The following SPMIP2 variants were observed in gnomAD, a reference collection of about 807,000 sequenced individuals.
SPMIP2 encodes the protein protein SPMIP2.
chr4:158,909,247 T>G, the SPMIP2 span: 1 of 152,140 alleles, frequency 6.6e-6, no homozygotes, highest in Admixed American at 6.5e-5. Context: ...GGTACCAACA[T>G]AATGCCATAC....
the SPMIP2 span, among the ~76,000 whole-genome samples, chr4:159,074,226 T>C: frequency 6.6e-6 from 1 of 152,118 alleles, no homozygotes; most frequent in Non-Finnish European, 1.5e-5. Context: ...TAGTTGCATG[T>C]GACAGAAACT....
At chr4:159,040,666 G>A in the SPMIP2 span, among the ~76,000 whole-genome samples, 1 of 152,018 alleles carries the variant, frequency 6.6e-6, no homozygotes, top group South Asian at 2.1e-4. Flanking sequence ...AGGTCTCACT[G>A]TGTTTCCCAG....
At chr4:158,954,756 G>T in the SPMIP2 span, among the ~76,000 whole-genome samples, 1 of 152,226 alleles carries the variant, frequency 6.6e-6, no homozygotes, top group Non-Finnish European at 1.5e-5. Context: ...AGGCATTTCT[G>T]AAGTTAGCCT....
the SPMIP2 span, among the ~76,000 whole-genome samples, chr4:159,025,154 G>T: frequency 6.6e-6 from 1 of 152,112 alleles, no homozygotes; most frequent in Non-Finnish European, 1.5e-5. Context: ...CATCACCTGG[G>T]ATCTTGATGG....
At chr4:159,014,367 C>A in the SPMIP2 span, among the ~76,000 whole-genome samples, 64 of 152,208 alleles carry the variant, frequency 4.2e-4, 2 homozygotes, top group African/African-American at 1.4e-3. Flanking sequence ...GCAGGAGAAT[C>A]GCTTGAACCC....
chr4:159,032,472 C>T, the SPMIP2 span, among the ~76,000 whole-genome samples: 7 of 152,058 alleles, frequency 4.6e-5, no homozygotes, highest in African/African-American at 4.8e-5. Context: ...TATTATATGT[C>T]AGTATAATGA....
the SPMIP2 span, among the ~76,000 whole-genome samples, chr4:158,953,869 C>T: frequency 2.6e-5 from 4 of 152,166 alleles, no homozygotes; most frequent in East Asian, 1.9e-4. Context: ...GTAACCTCTT[C>T]GTTTTGGCCA....
the SPMIP2 span, among the ~76,000 whole-genome samples, chr4:159,019,964 C>G: frequency 6.6e-6 from 1 of 151,902 alleles, no homozygotes; most frequent in Non-Finnish European, 1.5e-5. Context: ...TGTATTAAAA[C>G]TACAAAAATT....
chr4:158,966,121 AAC>A, the SPMIP2 span, among the ~76,000 whole-genome samples: 3 of 152,316 alleles, frequency 2.0e-5, no homozygotes, highest in African/African-American at 4.8e-5. Flanking sequence ...TTCTTGCCCA[AAC>A]ACAGAGCTGA....
chr4:158,899,540 T>G, the SPMIP2 span, among the ~76,000 whole-genome samples: 1 of 152,224 alleles, frequency 6.6e-6, no homozygotes. Context: ...TTGTTATCAG[T>G]CTATTCAGGG....
chr4:158,961,880 A>C, the SPMIP2 span, among the ~76,000 whole-genome samples: 44 of 152,200 alleles, frequency 2.9e-4, no homozygotes, highest in African/African-American at 8.2e-4. Flanking sequence ...ATTCAGACTC[A>C]GATAAATTAT....
chr4:158,960,049 TC>T, the SPMIP2 span, among the ~76,000 whole-genome samples: 10 of 152,274 alleles, frequency 6.6e-5, 1 homozygote, highest in African/African-American at 2.4e-4. Context: ...TTTACTATAG[TC>T]TAACAGTTTC....
the SPMIP2 span, among the ~76,000 whole-genome samples, chr4:159,061,814 T>TA: frequency 7.4e-3 from 1,025 of 138,950 alleles, 20 homozygotes; most frequent in African/African-American, 0.016. Flanking sequence ...CAGTCTCAAT[T>TA]AAAAAAAAAA....
At chr4:158,980,928 G>A in the SPMIP2 span, among the ~76,000 whole-genome samples, 1 of 152,182 alleles carries the variant, frequency 6.6e-6, no homozygotes, top group South Asian at 2.1e-4. Context: ...AAAGGAGCAT[G>A]TTCTAACAGA....
chr4:158,963,901 C>T, the SPMIP2 span, among the ~76,000 whole-genome samples: 10 of 152,240 alleles, frequency 6.6e-5, no homozygotes, highest in Admixed American at 3.9e-4. Context: ...GTGGCTCACG[C>T]CTGTAATCCC....
the SPMIP2 span, among the ~76,000 whole-genome samples, chr4:158,911,379 TAAATAAAA>T: frequency 6.9e-6 from 1 of 144,512 alleles, no homozygotes; most frequent in Non-Finnish European, 1.5e-5. Context: ...AATAAATAAA[TAAATAAAA>T]TAAATAAAAG....
the SPMIP2 span, among the ~76,000 whole-genome samples, chr4:158,927,568 G>T: frequency 2.4e-3 from 368 of 152,306 alleles, 1 homozygote; most frequent in African/African-American, 8.7e-3. Flanking sequence ...CCTCGCTCTC[G>T]GCGCCTCCTC....
the SPMIP2 span, among the ~76,000 whole-genome samples, chr4:158,913,063 A>G: frequency 6.6e-6 from 1 of 152,236 alleles, no homozygotes; most frequent in Non-Finnish European, 1.5e-5. Context: ...GGATTCCTCA[A>G]AAGTGTCCAT....
the SPMIP2 span, among the ~76,000 whole-genome samples, chr4:159,044,960 A>G: frequency 0.53 from 80,345 of 151,886 alleles, 21,952 homozygotes; most frequent in East Asian, 0.76. Flanking sequence ...GTGTGATGGC[A>G]GCTGCCTGTA....
Sources: allele counts gnomAD v4.1 joint callset (sites outside exome capture counted in the v4.1 genomes callset), GRCh38; gene constraint gnomAD v4.1.1; transcripts MANE v1.5; gene names NCBI Gene and HGNC (gene_info 2026-07-23, HGNC 2026-07-21).